CNTNAP2: variants seen among roughly 807,000 people sequenced by gnomAD.
CNTNAP2 encodes the protein contactin-associated protein-like 2.
CNTNAP2 carries 98 observed loss-of-function variants against 155.2 expected under a neutral mutation model. The observed-to-expected ratio is 0.63, with a 90% CI of 0.54 to 0.75. The LOEUF (loss-of-function observed/expected upper bound fraction) is 0.75, where lower values mean the gene tolerates loss of function less well. CNTNAP2 is among the 30% of genes least tolerant of loss of function. The probability of loss-of-function intolerance (pLI) is 0.00; values close to 1 mark genes in which losing one functional copy is unlikely to be tolerated. For missense variants in CNTNAP2, 1,727 were observed against 1,688.1 expected (o/e 1.02, Z -0.40); for synonymous variants, 651 against 631.2 (o/e 1.03, Z -0.47).
At chr7:148,206,800 T>C (rs550945035) in intron 18 of CNTNAP2, among the ~76,000 whole-genome samples, 22 of 152,218 alleles carry the variant, frequency 1.4e-4, no homozygotes, top group Non-Finnish European at 2.9e-4. Context: ...GCATTCCTCA[T>C]GCCTTGGTGC....
chr7:148,224,476 G>C (rs1411942077), intron 19 of CNTNAP2, among the ~76,000 whole-genome samples: 1 of 152,088 alleles, frequency 6.6e-6, no homozygotes, highest in Non-Finnish European at 1.5e-5. Context: ...GACAGTGAGT[G>C]GTATGACTTG....
intron 15 of CNTNAP2, among the ~76,000 whole-genome samples, chr7:148,102,407 C>T (rs756645605): frequency 1.3e-5 from 2 of 152,148 alleles, no homozygotes; most frequent in East Asian, 3.8e-4. Flanking sequence ...CATGTCATTG[C>T]TGTTGTGAAT....
At chr7:147,107,469 A>G (rs528332214) in intron 4 of CNTNAP2, among the ~76,000 whole-genome samples, 14 of 152,262 alleles carry the variant, frequency 9.2e-5, no homozygotes, top group Non-Finnish European at 1.9e-4. Flanking sequence ...ATAAGTGAAG[A>G]TATCTGTGTC....
chr7:146,985,989 A>AT (rs1267287876), intron 3 of CNTNAP2, among the ~76,000 whole-genome samples: 1 of 151,996 alleles, frequency 6.6e-6, no homozygotes, highest in Non-Finnish European at 1.5e-5. Flanking sequence ...TTAGGTTGCA[A>AT]TTTTTTTAAT....
chr7:148,163,422 C>A (rs1382079539), intron 17 of CNTNAP2, among the ~76,000 whole-genome samples: 1 of 152,216 alleles, frequency 6.6e-6, no homozygotes, highest in Non-Finnish European at 1.5e-5. Flanking sequence ...ATAGCCTCTA[C>A]AATGAATCAG....
chr7:147,919,427 CAT>C (rs1274495277), intron 14 of CNTNAP2, among the ~76,000 whole-genome samples: 1 of 148,336 alleles, frequency 6.7e-6, no homozygotes, highest in Non-Finnish European at 1.5e-5. Context: ...GGACTATACG[CAT>C]GTGCCACCAT....
At chr7:147,116,120 T>C (rs1189155224) in intron 5 of CNTNAP2, among the ~76,000 whole-genome samples, 3 of 152,118 alleles carry the variant, frequency 2.0e-5, no homozygotes, top group African/African-American at 7.2e-5. Context: ...GTTGCCTCTG[T>C]TTTTCCTGTA....
At chr7:147,094,752 G>T (rs1800491562) in intron 4 of CNTNAP2, among the ~76,000 whole-genome samples, 1 of 152,006 alleles carries the variant, frequency 6.6e-6, no homozygotes, top group South Asian at 2.1e-4. Flanking sequence ...CTCCAAAAAT[G>T]TTCCTACGTT....
chr7:148,083,183 C>T (rs1243042386), intron 15 of CNTNAP2, among the ~76,000 whole-genome samples: 3 of 152,154 alleles, frequency 2.0e-5, no homozygotes, highest in South Asian at 4.2e-4. Context: ...GTTGCTTTGT[C>T]GAGATGGGAG....
At chr7:147,911,843 TTCA>T (rs1800072339) in intron 14 of CNTNAP2, among the ~76,000 whole-genome samples, 1 of 152,232 alleles carries the variant, frequency 6.6e-6, no homozygotes, top group African/African-American at 2.4e-5. Flanking sequence ...ATTTTGCTTC[TTCA>T]TTCATTTGCC....
chr7:147,560,025 G>A lies in CNTNAP2; in HGVS notation c.1778-2113G>A, dbSNP rs1047133636. Among the ~76,000 whole-genome samples, 6 of 151,900 alleles carry A rather than the reference G, an allele frequency of 3.9e-5. No homozygotes were observed. The South Asian group carries it at 8.3e-4, about 21-fold the overall frequency. ...CTCCACTAAAAATACTAAATTAGCC[G>A]GGCATGGTGGCGGATGCCTGTAATC... On this transcript the variant is annotated intron_variant, in intron 11 of 23. Coordinates refer to ENST00000361727, the MANE Select transcript of CNTNAP2 (RefSeq NM_014141.6).
intron 1 of CNTNAP2, among the ~76,000 whole-genome samples, chr7:146,594,925 A>G (rs1798836837): frequency 6.6e-6 from 1 of 152,122 alleles, no homozygotes; most frequent in Non-Finnish European, 1.5e-5. Context: ...CTGACCCTGG[A>G]GTTAGGAAGA....
chr7:146,639,164 C>G (rs984261718), intron 1 of CNTNAP2, among the ~76,000 whole-genome samples: 1 of 152,172 alleles, frequency 6.6e-6, no homozygotes, highest in Non-Finnish European at 1.5e-5. Flanking sequence ...CTGATAGCAA[C>G]TATATGAATA....
At chr7:146,958,474 C>T (rs1217853782) in intron 3 of CNTNAP2, among the ~76,000 whole-genome samples, 2 of 128,320 alleles carry the variant, frequency 1.6e-5, no homozygotes, top group African/African-American at 6.0e-5. Context: ...AGTGCAGTGG[C>T]ACAATCTCAG....
intron 3 of CNTNAP2, among the ~76,000 whole-genome samples, chr7:146,944,019 C>T (rs911556868): frequency 6.6e-6 from 1 of 151,640 alleles, no homozygotes; most frequent in Non-Finnish European, 1.5e-5. Flanking sequence ...GTTTATATTT[C>T]TCTCAACTGC....
At chr7:146,185,082 G>A (rs989211103) in intron 1 of CNTNAP2, among the ~76,000 whole-genome samples, 2 of 151,982 alleles carry the variant, frequency 1.3e-5, no homozygotes, top group South Asian at 2.1e-4. Flanking sequence ...TTAATATTAC[G>A]TCCAGTGGTC....
intron 12 of CNTNAP2, among the ~76,000 whole-genome samples, chr7:147,633,772 A>T (rs1309988825): frequency 4.6e-5 from 7 of 152,246 alleles, no homozygotes; most frequent in Admixed American, 3.9e-4. Context: ...CCCTGTGAAG[A>T]GGTGCCTTCT....
intron 1 of CNTNAP2, among the ~76,000 whole-genome samples, chr7:146,754,503 GAAAT>G (rs1232997756): frequency 1.3e-5 from 2 of 151,712 alleles, no homozygotes; most frequent in Non-Finnish European, 2.9e-5. Context: ...TATCCAATGA[GAAAT>G]AAAATTAAGT....
intron 3 of CNTNAP2, among the ~76,000 whole-genome samples, chr7:146,962,361 T>A (rs966054358): frequency 3.9e-5 from 6 of 152,324 alleles, no homozygotes; most frequent in African/African-American, 1.4e-4. Context: ...GTTGAGTTCA[T>A]ATTTGAGTGC....
Sources: allele counts gnomAD v4.1 joint callset (sites outside exome capture counted in the v4.1 genomes callset), GRCh38; gene constraint gnomAD v4.1.1; transcripts MANE v1.5; gene names NCBI Gene and HGNC (gene_info 2026-07-23, HGNC 2026-07-21).